The following IQCM variants were observed in gnomAD, a reference collection of about 807,000 sequenced individuals.
The protein encoded by IQCM is IQ domain-containing protein M.
IQCM carries 45 observed loss-of-function variants against 57.6 expected under a neutral mutation model. The observed-to-expected ratio is 0.78, with a 90% CI of 0.62 to 1.00. The LOEUF (loss-of-function observed/expected upper bound fraction) is 1.00. Ranked by LOEUF, IQCM falls within the 50% of genes least tolerant of loss-of-function variation. IQCM has a pLI of 0.00. For synonymous variants in IQCM, 148 were observed against 158.9 expected (o/e 0.93, Z 0.51); for missense variants, 468 against 511.6 (o/e 0.91, Z 0.82).
intron 2 of IQCM, among the ~76,000 whole-genome samples, chr4:149,780,698 G>C (rs560393904): frequency 6.6e-6 from 1 of 152,114 alleles, no homozygotes; most frequent in African/African-American, 2.4e-5. Context: ...GGCAGGGGTG[G>C]AAATGAATTT....
At chr4:149,578,385 C>A (rs150272433) in intron 9 of IQCM, among the ~76,000 whole-genome samples, 5 of 151,786 alleles carry the variant, frequency 3.3e-5, no homozygotes, top group African/African-American at 1.2e-4. Flanking sequence ...CCATTGAGGT[C>A]AACTGAAATA....
In IQCM at chr4:149,470,036, C is replaced by T. The variant is rs183719927; in HGVS notation, c.1229-36479G>A. Among the ~76,000 whole-genome samples the T allele has an allele frequency of 9.1e-3, 1,383 of 152,256 alleles. 90 individuals carry two copies. The highest frequency in any genetic ancestry group is 2.1e-3 in the Non-Finnish European group (142 of 68,022). ...GCAAAAACATGCCACATTGTAAAGA[C>T]CATCAATGCTAGGAAGAAACTGCAT... On this transcript the variant is annotated intron_variant, in intron 12 of 13. Coordinates refer to ENST00000636793, the MANE Select transcript of IQCM (RefSeq NM_001363507.2).
chr4:149,603,313 G>C (rs1754482043), intron 8 of IQCM, among the ~76,000 whole-genome samples: 1 of 152,130 alleles, frequency 6.6e-6, no homozygotes. Flanking sequence ...AAGGTTAAAA[G>C]TTATCTTACA....
intron 8 of IQCM, among the ~76,000 whole-genome samples, chr4:149,611,350 A>G (rs927936687): frequency 6.6e-6 from 1 of 152,132 alleles, no homozygotes; most frequent in Non-Finnish European, 1.5e-5. Flanking sequence ...TCCAAAGGAA[A>G]GGAAATCAGT....
chr4:149,612,573 G>A (rs1755394165), intron 8 of IQCM, among the ~76,000 whole-genome samples: 1 of 151,956 alleles, frequency 6.6e-6, no homozygotes, highest in African/African-American at 2.4e-5. Flanking sequence ...TAGCAAAGCA[G>A]GAACAATTCC....
intron 12 of IQCM, among the ~76,000 whole-genome samples, chr4:149,515,624 C>A (rs868750304): frequency 6.6e-6 from 1 of 152,186 alleles, no homozygotes; most frequent in Non-Finnish European, 1.5e-5. Context: ...CAGCCCCTTT[C>A]TAGGACATCC....
At chr4:149,534,490 C>A (rs1004947221) in intron 12 of IQCM, among the ~76,000 whole-genome samples, 3 of 152,116 alleles carry the variant, frequency 2.0e-5, no homozygotes, top group African/African-American at 7.2e-5. Flanking sequence ...ATATGAAAAT[C>A]ATGTCCTCTA....
intron 13 of IQCM, among the ~76,000 whole-genome samples, chr4:149,369,586 C>G (rs1430257612): frequency 6.6e-6 from 1 of 152,114 alleles, no homozygotes. Flanking sequence ...AATTCACAAG[C>G]AAGTGCTTAA....
At chr4:149,474,099 A>G (rs1217445337) in intron 12 of IQCM, among the ~76,000 whole-genome samples, 2 of 152,224 alleles carry the variant, frequency 1.3e-5, no homozygotes, top group East Asian at 3.9e-4. Flanking sequence ...CATTGTGCAC[A>G]TGTACCCTAG....
intron 10 of IQCM, among the ~76,000 whole-genome samples, chr4:149,558,267 A>G (rs1479731325): frequency 6.6e-6 from 1 of 152,120 alleles, no homozygotes; most frequent in Non-Finnish European, 1.5e-5. Flanking sequence ...TCTCAAATCT[A>G]TGGGTGGTGG....
In IQCM at chr4:149,400,696, T is replaced by C. The variant is rs187196372; in HGVS notation, c.1390+32700A>G. On this transcript the variant is annotated intron_variant, in intron 13 of 13. Coordinates refer to ENST00000636793, the MANE Select transcript of IQCM (RefSeq NM_001363507.2). The stretch of plus-strand genomic sequence containing the variant: ...CAAAAATAACTAAATTAATATATCA[T>C]TGAGTGACAACTAAATGATAGATTA... 2.1e-3 allele frequency among the ~76,000 whole-genome samples: 324 copies of C among 152,006 alleles called. 2 individuals carry two copies. Among genetic ancestry groups the C allele is most frequent in the African/African-American group, 5.3e-3 (219 of 41,524 alleles).
chr4:149,545,200 A>C (rs1748266578), intron 12 of IQCM, among the ~76,000 whole-genome samples: 1 of 152,160 alleles, frequency 6.6e-6, no homozygotes, highest in Non-Finnish European at 1.5e-5. Flanking sequence ...TTTTTAAAAA[A>C]CGAGCGGGAC....
intron 13 of IQCM, among the ~76,000 whole-genome samples, chr4:149,391,585 A>T (rs2111087317): frequency 6.6e-6 from 1 of 151,992 alleles, no homozygotes; most frequent in African/African-American, 2.4e-5. Flanking sequence ...GTAGAAAATT[A>T]GGTTGTTGCC....
chr4:149,646,636 C>G (rs954348726), intron 7 of IQCM, among the ~76,000 whole-genome samples: 1 of 152,122 alleles, frequency 6.6e-6, no homozygotes, highest in Non-Finnish European at 1.5e-5. Flanking sequence ...GATTTCCATA[C>G]GCTGAAGTTC....
At chr4:149,359,119 A>AGTT (rs1729292960) in intron 13 of IQCM, among the ~76,000 whole-genome samples, 1 of 152,114 alleles carries the variant, frequency 6.6e-6, no homozygotes, top group East Asian at 1.9e-4. Context: ...AGTTCATGTC[A>AGTT]CTTGTGTGAT....
Position 149,697,772 on chromosome 4 carries a change from T to C in IQCM, c.386-11304A>G, listed in dbSNP as rs182101962. ...CCTTAATTGCATTTTGCCTATCTACTGCCAGCAGAATGTAAGCTTCACTTA... is the reference window on the plus strand; with the variant it reads ...CCTTAATTGCATTTTGCCTATCTACCGCCAGCAGAATGTAAGCTTCACTTA... On this transcript the variant is annotated intron_variant, in intron 5 of 13. Coordinates refer to ENST00000636793, the MANE Select transcript of IQCM (RefSeq NM_001363507.2). Among the ~76,000 whole-genome samples, 30 of 152,284 alleles carry C rather than the reference T, an allele frequency of 2.0e-4. No individual in the cohort carries two copies. In the East Asian group the frequency reaches 5.8e-3, roughly 29 times the overall value.
chr4:149,481,710 T>TTTTGTTTTTTGTTTTTTTTG (rs1296038886), intron 12 of IQCM, among the ~76,000 whole-genome samples: 3 of 138,412 alleles, frequency 2.2e-5, no homozygotes, highest in Non-Finnish European at 3.1e-5. Context: ...TGTTTTTTTT[T>TTTTGTTTTTTGTTTTTTTTG]TTTTTTTTTT....
intron 12 of IQCM, among the ~76,000 whole-genome samples, chr4:149,520,621 C>T (rs1163181638): frequency 6.6e-6 from 1 of 152,082 alleles, no homozygotes; most frequent in Non-Finnish European, 1.5e-5. Flanking sequence ...TAGTCATATA[C>T]CAGGTGTTTT....
intron 12 of IQCM, among the ~76,000 whole-genome samples, chr4:149,452,988 C>A (rs539131105): frequency 6.7e-6 from 1 of 149,524 alleles, no homozygotes; most frequent in Non-Finnish European, 1.5e-5. Context: ...AACTTGAACA[C>A]GTACCCTGTA....
Sources: gnomAD v4.1 joint callset for allele counts (sites outside exome capture counted in the v4.1 genomes callset) on GRCh38, gnomAD v4.1.1 for gene constraint, MANE v1.5 for transcripts, NCBI Gene and HGNC (gene_info 2026-07-23, HGNC 2026-07-21) for gene names.